Variants in KIRREL3 observed in about 807,000 individuals in gnomAD.
KIRREL3 encodes kin of IRRE-like protein 3.
KIRREL3 carries 36 observed loss-of-function variants against 89.7 expected under a neutral mutation model. The observed-to-expected ratio is 0.40, with a 90% CI of 0.31 to 0.53. KIRREL3 has a LOEUF of 0.53. Ranked by LOEUF, KIRREL3 falls within the 20% of genes least tolerant of loss-of-function variation. The probability of loss-of-function intolerance (pLI) is 0.49; values close to 1 mark genes in which losing one functional copy is unlikely to be tolerated. For synonymous variants in KIRREL3, 445 were observed against 441.4 expected (o/e 1.01, Z -0.10); for missense variants, 864 against 1,056.6 (o/e 0.82, Z 2.53).
rs371880735 is a variant in KIRREL3, at chr11:126,519,462, G to A, written c.433+1853C>T. On this transcript the variant is annotated intron_variant, in intron 4 of 16. Coordinates refer to ENST00000525144, the MANE Select transcript of KIRREL3 (RefSeq NM_032531.4). This position sits in a 1 kb window ranked among gnomAD's most constrained non-coding sequence, Gnocchi z 4.3. Reference sequence around the variant, plus strand: ...TCGAAATAATCTGGACTTTTAATACGTTGGACTTTTTTACGTAACGTAGAG... The same window carrying A: ...TCGAAATAATCTGGACTTTTAATACATTGGACTTTTTTACGTAACGTAGAG... Among the ~76,000 whole-genome samples, 4 of 152,196 alleles carry A rather than the reference G, an allele frequency of 2.6e-5. No homozygotes were observed. Among genetic ancestry groups the A allele is most frequent in the Admixed American group, 1.3e-4 (2 of 15,284 alleles).
chr11:126,862,623 T>C (rs1673870900), intron 1 of KIRREL3, among the ~76,000 whole-genome samples: 1 of 152,192 alleles, frequency 6.6e-6, no homozygotes, highest in South Asian at 2.1e-4. Flanking sequence ...CTCTCCACGC[T>C]GCGTCAACAG....
Position 126,903,101 on chromosome 11 carries a change from A to G in KIRREL3, c.55+97354T>C, listed in dbSNP as rs924995739. Among the ~76,000 whole-genome samples the G allele has an allele frequency of 8.5e-5, 13 of 152,174 alleles. No individual in the cohort carries two copies. Among genetic ancestry groups the G allele is most frequent in the Non-Finnish European group, 1.5e-5 (1 of 68,030 alleles). ...CTATTGTTTTCTTACTTGTCTAATT[A>G]TTTAAAAAAGAATAGCTGTGGTAAA... On this transcript the variant is annotated intron_variant, in intron 1 of 16. Coordinates refer to ENST00000525144, the MANE Select transcript of KIRREL3 (RefSeq NM_032531.4). The surrounding 1 kb of genome is among the most constrained non-coding windows in gnomAD (Gnocchi z 4.5).
At chr11:126,660,317 T>C (rs1945337706) in intron 1 of KIRREL3, among the ~76,000 whole-genome samples, 1 of 152,134 alleles carries the variant, frequency 6.6e-6, no homozygotes, top group African/African-American at 2.4e-5. Context: ...TGATGATACC[T>C]CAGAGAATGC....
At position 126,895,272 on chromosome 11, in the gene KIRREL3, G is replaced by A. The variant is rs377145963; in HGVS notation, c.55+105183C>T. On this transcript the variant is annotated intron_variant, in intron 1 of 16. Transcript: ENST00000525144. ...GAGGTCAGGAGTTCAAGACCAGCCT[G>A]GGCAACATGGTGAAACCCCGTCTCT... Among the ~76,000 whole-genome samples the A allele has an allele frequency of 3.0e-4, 46 of 151,984 alleles. 1 individual carries two copies. Among genetic ancestry groups the A allele is most frequent in the African/African-American group, 1.1e-3 (45 of 41,448 alleles).
intron 1 of KIRREL3, among the ~76,000 whole-genome samples, chr11:126,774,293 C>T (rs1042591629): frequency 1.3e-5 from 2 of 151,680 alleles, no homozygotes; most frequent in Non-Finnish European, 2.9e-5. Flanking sequence ...CCCTCATTGC[C>T]GAAGAAGGGG....
At position 126,441,018 on chromosome 11, in the gene KIRREL3, C is replaced by T. The variant is rs12223368; in HGVS notation, c.1253-469G>A. On this transcript the variant is annotated intron_variant, in intron 10 of 16. Transcript: ENST00000525144. The surrounding 1 kb of genome is among the most constrained non-coding windows in gnomAD (Gnocchi z 5.0). ...TTCCTCAGATATCCAGTAGAGGGCG[C>T]CCTTGCCTAACAAATGGGAGCTGCT... 0.11 allele frequency: 19,464 copies of T among 177,314 alleles called. 1,524 individuals are homozygous for T. The highest frequency in any genetic ancestry group is 0.32 in the East Asian group (1,985 of 6,248). The allele number at this position is 177,314 out of a possible 1,614,324, so 11.0% of individuals were successfully genotyped here.
chr11:126,619,895 C>T (rs1338772382), intron 1 of KIRREL3, among the ~76,000 whole-genome samples: 2 of 152,198 alleles, frequency 1.3e-5, no homozygotes, highest in African/African-American at 4.8e-5. Context: ...CACAGGCATG[C>T]GGTTTCTTCA....
In KIRREL3 at chr11:126,676,561, C is replaced by A. The variant is rs536992294; in HGVS notation, c.56-113649G>T. Among the ~76,000 whole-genome samples, 3 of 152,034 alleles carry A rather than the reference C, an allele frequency of 2.0e-5. No individual in the cohort carries two copies. The highest frequency in any genetic ancestry group is 4.4e-5 in the Non-Finnish European group (3 of 68,000). ...GAGATGCTGCGAGTCCTTTAAAGAACCTCCCATAGCAGTCTGTGAATACGT... is the reference window on the plus strand; with the variant it reads ...GAGATGCTGCGAGTCCTTTAAAGAAACTCCCATAGCAGTCTGTGAATACGT... On this transcript the variant is annotated intron_variant, in intron 1 of 16. Transcript: ENST00000525144. The surrounding 1 kb of genome is among the most constrained non-coding windows in gnomAD (Gnocchi z 4.5).
At position 126,486,560 on chromosome 11, in the gene KIRREL3, T is replaced by C. The variant is rs896516339; in HGVS notation, c.434-13094A>G. Among the ~76,000 whole-genome samples the C allele has an allele frequency of 1.1e-4, 16 of 152,344 alleles. No individual in the cohort carries two copies. Among genetic ancestry groups the C allele is most frequent in the African/African-American group, 3.6e-4 (15 of 41,578 alleles). On this transcript the variant is annotated intron_variant, in intron 4 of 16. Transcript: ENST00000525144. This position sits in a 1 kb window ranked among gnomAD's most constrained non-coding sequence, Gnocchi z 6.2. ...TTCGACCTTAACCTGATTTGGGGTC[T>C]CTTTTGCTCAACACAGCTGGGTTGG...
chr11:126,760,726 G>T (rs1540238), intron 1 of KIRREL3, among the ~76,000 whole-genome samples: 61,306 of 152,040 alleles, frequency 0.4, 12,993 homozygotes, highest in East Asian at 0.79. Flanking sequence ...TATGATTCCA[G>T]TCTCAGCTCC....
In KIRREL3 at chr11:126,652,574, C is replaced by G. The variant is rs527581665; in HGVS notation, c.56-89662G>C. On this transcript the variant is annotated intron_variant, in intron 1 of 16. Coordinates refer to ENST00000525144, the MANE Select transcript of KIRREL3 (RefSeq NM_032531.4). The surrounding 1 kb of genome is among the most constrained non-coding windows in gnomAD (Gnocchi z 4.9). ...TCAGGCCATTTGCCAAAGTCCTCCA[C>G]TCAATCTATAGGTAGCGGGGCTGGG... 6.6e-6 allele frequency among the ~76,000 whole-genome samples: 1 copy of G among 152,258 alleles called. No individual in the cohort carries two copies.
rs1946483467 is a variant in KIRREL3, at chr11:126,682,118, C to T, written c.56-119206G>A. ...TCCCTCCTGTGACCACCGAAAAGGT[C>T]ATATTTAGGACCTGGGTGAAGGAAG... On this transcript the variant is annotated intron_variant, in intron 1 of 16. Transcript: ENST00000525144. This position sits in a 1 kb window ranked among gnomAD's most constrained non-coding sequence, Gnocchi z 4.8. 1.5e-5 allele frequency: 5 copies of T among 335,252 alleles called. No homozygotes were observed. Among genetic ancestry groups the T allele is most frequent in the Non-Finnish European group, 2.9e-5 (5 of 170,308 alleles). 20.8% of individuals were successfully genotyped at this position (335,252 alleles called of 1,614,324 possible). A position where few individuals can be genotyped will look rare whatever the true frequency, so the allele number is the denominator to read the frequency against.
At chr11:126,803,649 A>G (rs1180009341) in intron 1 of KIRREL3, among the ~76,000 whole-genome samples, 1 of 152,052 alleles carries the variant, frequency 6.6e-6, no homozygotes, top group African/African-American at 2.4e-5. Context: ...GAGGGCTCCC[A>G]CCCCAGAATG....
intron 1 of KIRREL3, among the ~76,000 whole-genome samples, chr11:126,731,062 G>T (rs1053304970): frequency 2.0e-5 from 3 of 152,094 alleles, no homozygotes; most frequent in Admixed American, 6.5e-5. Flanking sequence ...TTTCTAACTG[G>T]TGTCTCTGAC....
intron 1 of KIRREL3, among the ~76,000 whole-genome samples, chr11:126,657,269 TA>T (rs1945190311): frequency 6.6e-6 from 1 of 151,562 alleles, no homozygotes; most frequent in South Asian, 2.1e-4. Context: ...AATAAATAAA[TA>T]AATAAATAAA....
At chr11:126,464,372 T>TA (rs200294157) in intron 5 of KIRREL3, among the ~76,000 whole-genome samples, 4 of 142,358 alleles carry the variant, frequency 2.8e-5, no homozygotes, top group Non-Finnish European at 6.1e-5. Flanking sequence ...AGAAAAAAAT[T>TA]AAAAAAAAAT....
chr11:126,751,628 T>A (rs1421139372), intron 1 of KIRREL3, among the ~76,000 whole-genome samples: 2 of 151,698 alleles, frequency 1.3e-5, no homozygotes, highest in African/African-American at 4.9e-5. Context: ...CATCGCAATA[T>A]CTGCTACAAG....
At chr11:126,878,223 A>C (rs1945362558) in intron 1 of KIRREL3, among the ~76,000 whole-genome samples, 1 of 152,330 alleles carries the variant, frequency 6.6e-6, no homozygotes, top group South Asian at 2.1e-4. Flanking sequence ...TAGGACATTT[A>C]AACTTTACTG....
At position 126,699,849 on chromosome 11, in the gene KIRREL3, T is replaced by G. The variant is rs527700362; in HGVS notation, c.56-136937A>C. The stretch of plus-strand genomic sequence containing the variant: ...TAAACACTTTCACATACATTATCTC[T>G]GATCTTAGCAATTTTGTGAGATGAT... On this transcript the variant is annotated intron_variant, in intron 1 of 16. Coordinates refer to ENST00000525144, the MANE Select transcript of KIRREL3 (RefSeq NM_032531.4). Among the ~76,000 whole-genome samples the G allele has an allele frequency of 1.1e-4, 17 of 152,338 alleles. No individual in the cohort carries two copies. In the South Asian group the frequency reaches 1.2e-3, roughly 11 times the overall value.
Sources: allele counts gnomAD v4.1 joint callset (sites outside exome capture counted in the v4.1 genomes callset), GRCh38; gene constraint gnomAD v4.1.1; non-coding constraint Gnocchi (gnomAD v3.1); transcripts MANE v1.5; gene names NCBI Gene and HGNC (gene_info 2026-07-23, HGNC 2026-07-21).